Variants in DSE observed in about 807,000 individuals in gnomAD.
DSE encodes dermatan sulfate epimerase.
DSE carries 36 observed loss-of-function variants against 84.4 expected under a neutral mutation model. The ratio of observed to expected loss-of-function variants is 0.43; its 90% CI spans 0.33 to 0.56. The LOEUF (loss-of-function observed/expected upper bound fraction) is 0.56. Ranked by LOEUF, DSE falls within the 20% of genes least tolerant of loss-of-function variation. The pLI, the probability that DSE is intolerant of heterozygous loss-of-function variation, is 0.06. For missense variants in DSE, 862 were observed against 1,169.6 expected, an observed-to-expected ratio of 0.74 and a Z score of 3.84; for synonymous variants, 410 against 430.1, an observed-to-expected ratio of 0.95 and a Z score of 0.58.
At chr6:116,293,105 G>A (rs1366375969) in intron 2 of DSE, among the ~76,000 whole-genome samples, 4 of 151,996 alleles carry the variant, frequency 2.6e-5, no homozygotes, top group Admixed American at 6.6e-5. Flanking sequence ...ATACAATGAT[G>A]AGATAATTTA....
chr6:116,413,155 C>A (rs190692034), intron 2 of DSE, among the ~76,000 whole-genome samples: 1 of 152,054 alleles, frequency 6.6e-6, no homozygotes, highest in Admixed American at 6.6e-5. Context: ...GTGCAGTGGA[C>A]GCACAAGCTG....
chr6:116,254,198 T>G (rs906563131), exon 1 of DSE: 2 of 721,398 alleles, frequency 2.8e-6, no homozygotes, highest in Non-Finnish European at 2.5e-6. Context: ...CGCTTATCAA[T>G]CCATCGTATT....
chr6:116,394,916 C>T (rs1781143473), intron 1 of DSE, among the ~76,000 whole-genome samples: 2 of 152,170 alleles, frequency 1.3e-5, no homozygotes, highest in African/African-American at 4.8e-5. Flanking sequence ...GGTAATTTTG[C>T]CATGTTGAAA....
At chr6:116,368,481 A>G (rs1258895756), upstream of DSE, among the ~76,000 whole-genome samples, 4 of 152,370 alleles carry the variant, frequency 2.6e-5, no homozygotes, top group East Asian at 7.7e-4. Flanking sequence ...ATTTAACACA[A>G]TAAAATTCAG....
At chr6:116,328,747 C>T (rs1776777125) in intron 2 of DSE, among the ~76,000 whole-genome samples, 1 of 152,142 alleles carries the variant, frequency 6.6e-6, no homozygotes, top group Admixed American at 6.6e-5. Flanking sequence ...CTTGGAATCT[C>T]TTAATTCCAG....
In DSE at chr6:116,430,972, A is replaced by G. The variant is rs781139031; in HGVS notation, c.689A>G (p.Tyr230Cys). 6.2e-7 allele frequency: 1 copy of G among 1,613,798 alleles called. No homozygotes were observed. The highest frequency in any genetic ancestry group is 1.1e-5 in the South Asian group (1 of 91,066). ...LMNQGYLQEA[Y>C]LWTKQVLTIM... ...CCTTCAGGATATCTTCAAGAAGCCT[A>G]CTTATGGACCAAACAAGTTCTGACC... is the stretch of plus-strand genomic sequence containing the variant. Residue 230 changes from tyrosine (Y) to cysteine (C), a missense_variant, in exon 4 of 6, where the codon TAC becomes TGC. Coordinates refer to ENST00000644252, the MANE Select transcript of DSE (RefSeq NM_013352.4).
chr6:116,329,001 C>A (rs1290383338), intron 2 of DSE, among the ~76,000 whole-genome samples: 1 of 152,164 alleles, frequency 6.6e-6, no homozygotes, highest in Non-Finnish European at 1.5e-5. Flanking sequence ...CCTGGCAGTT[C>A]CAAGCAATAT....
chr6:116,302,823 G>T (rs910226403), intron 2 of DSE, among the ~76,000 whole-genome samples: 1 of 152,136 alleles, frequency 6.6e-6, no homozygotes, highest in East Asian at 1.9e-4. Flanking sequence ...TTTGTATAAG[G>T]TGTAAGGAAG....
chr6:116,258,656 G>A (rs768530320), exon 2 of DSE: 1 of 1,611,982 alleles, frequency 6.2e-7, no homozygotes. Context: ...CCTGTGCACA[G>A]CAGCCAGATG....
chr6:116,279,262 A>C, intron 2 of DSE: 1 of 1,606,490 alleles, frequency 6.2e-7, no homozygotes, highest in Non-Finnish European at 8.5e-7. Context: ...CTCTACCTCC[A>C]TCTGCTCCTC....
intron 2 of DSE, among the ~76,000 whole-genome samples, chr6:116,343,584 C>T (rs899708565): frequency 6.6e-6 from 1 of 152,222 alleles, no homozygotes; most frequent in African/African-American, 2.4e-5. Context: ...GCTGAGGGTC[C>T]TGACTGTTAG....
intron 2 of DSE, among the ~76,000 whole-genome samples, chr6:116,358,378 AT>A (rs1778694100): frequency 6.6e-6 from 1 of 152,230 alleles, no homozygotes; most frequent in Admixed American, 6.5e-5. Context: ...GTGCCATACA[AT>A]TATTTATAAA....
At chr6:116,370,381 G>C, upstream of DSE, 1,939 of 334,948 alleles carry the variant, frequency 5.8e-3, no homozygotes, top group Non-Finnish European at 7.6e-3. Context: ...GGTGACCCCC[G>C]CCCCAAAGTC....
At chr6:116,407,400 CTTTA>C (rs1481477708) in intron 2 of DSE, among the ~76,000 whole-genome samples, 1 of 152,160 alleles carries the variant, frequency 6.6e-6, no homozygotes, top group Admixed American at 6.5e-5. Flanking sequence ...CTTCTATCTA[CTTTA>C]TTTGTCTCAC....
At chr6:116,299,690 C>A (rs9488891) in intron 2 of DSE, among the ~76,000 whole-genome samples, 1 of 151,196 alleles carries the variant, frequency 6.6e-6, no homozygotes, top group African/African-American at 2.4e-5. Flanking sequence ...CAACTTGTAC[C>A]ACATAGAATC....
rs760179823 is a variant in DSE at position 116,435,665 on chromosome 6, C to T, written c.1197C>T (p.Val399=). Residue 399 remains valine, a synonymous_variant, in exon 6 of 6, where the codon GTC becomes GTT. Coordinates refer to ENST00000644252, the MANE Select transcript of DSE (RefSeq NM_013352.4). The part of the protein sequence containing the change: ...PTLHYFEDWG[V]VTYGSALPAE... Reference sequence around the variant, plus strand: ...TGCATTATTTTGAAGACTGGGGTGTCGTGACTTATGGAAGTGCACTACCTG... The same window carrying T: ...TGCATTATTTTGAAGACTGGGGTGTTGTGACTTATGGAAGTGCACTACCTG... 12 of 1,613,942 alleles carry T rather than the reference C, an allele frequency of 7.4e-6. No homozygotes were observed. Among genetic ancestry groups the T allele is most frequent in the East Asian group, 2.2e-5 (1 of 44,896 alleles).
chr6:116,266,542 G>T (rs1209908421), intron 2 of DSE, among the ~76,000 whole-genome samples: 1 of 152,050 alleles, frequency 6.6e-6, no homozygotes, highest in Non-Finnish European at 1.5e-5. Flanking sequence ...TAGTAATTAA[G>T]ATTACTATTA....
chr6:116,357,439 G>A (rs1281268314), intron 2 of DSE, among the ~76,000 whole-genome samples: 1 of 152,004 alleles, frequency 6.6e-6, no homozygotes, highest in Non-Finnish European at 1.5e-5. Flanking sequence ...GGCTGAGGCA[G>A]GAGAAAGGCA....
intron 2 of DSE, among the ~76,000 whole-genome samples, chr6:116,304,294 A>G (rs1562217096): frequency 6.6e-6 from 1 of 152,222 alleles, no homozygotes; most frequent in Non-Finnish European, 1.5e-5. Context: ...TCTAGGTTGC[A>G]AAGTATTTAG....
Sources: allele counts gnomAD v4.1 joint callset (sites outside exome capture counted in the v4.1 genomes callset), GRCh38; gene constraint gnomAD v4.1.1; transcripts MANE v1.5; gene names NCBI Gene and HGNC (gene_info 2026-07-23, HGNC 2026-07-21).